The following WWTR1 variants were observed in gnomAD, a reference collection of about 807,000 sequenced individuals.
WWTR1 encodes WW domain containing transcription regulator 1.
Under a neutral mutation model 40.1 loss-of-function variants are expected in WWTR1, and 13 were observed. The observed-to-expected ratio is 0.32, with a 90% CI of 0.21 to 0.52. The LOEUF (loss-of-function observed/expected upper bound fraction) is 0.52, where lower values mean the gene tolerates loss of function less well. Among genes scored for constraint, WWTR1 ranks in the 20% least tolerant of loss-of-function variants. The probability of loss-of-function intolerance (pLI) is 0.97; values close to 1 mark genes in which losing one functional copy is unlikely to be tolerated. For synonymous variants in WWTR1, 230 were observed against 210.1 expected (o/e 1.09, Z -0.82); for missense variants, 436 against 523.1 (o/e 0.83, Z 1.63).
At chr3:149,723,806 G>C (rs989705467) in intron 4 of WWTR1, among the ~76,000 whole-genome samples, 1 of 152,206 alleles carries the variant, frequency 6.6e-6, no homozygotes, top group African/African-American at 2.4e-5. Flanking sequence ...AAAACCTGCT[G>C]CTTCTTTGCA....
intron 4 of WWTR1, chr3:149,541,173 C>T (rs533186192): frequency 1.4e-5 from 5 of 345,258 alleles, no homozygotes; most frequent in African/African-American, 7.8e-5. Flanking sequence ...TAAACTGAAG[C>T]TTTTCTCCCC....
At chr3:149,602,482 G>A (rs1739286952) in intron 2 of WWTR1, among the ~76,000 whole-genome samples, 1 of 152,088 alleles carries the variant, frequency 6.6e-6, no homozygotes, top group Non-Finnish European at 1.5e-5. Context: ...TAAATACTTG[G>A]GGACATTCCG....
At chr3:149,714,942 G>A (rs765964189) in intron 5 of WWTR1, among the ~76,000 whole-genome samples, 2 of 152,124 alleles carry the variant, frequency 1.3e-5, no homozygotes, top group African/African-American at 4.8e-5. Context: ...CTGCAGAGAG[G>A]AGCCGAGGAG....
intron 6 of WWTR1, among the ~76,000 whole-genome samples, chr3:149,522,521 T>A (rs1037178446): frequency 5.9e-5 from 9 of 152,266 alleles, no homozygotes; most frequent in African/African-American, 2.2e-4. Flanking sequence ...AAAAATAACG[T>A]TAAACGAAAA....
chr3:149,615,640 C>T (rs1170889636), intron 2 of WWTR1, among the ~76,000 whole-genome samples: 2 of 152,326 alleles, frequency 1.3e-5, no homozygotes, highest in African/African-American at 2.4e-5. Context: ...CTACTTACTA[C>T]GTGCCCAGCA....
intron 2 of WWTR1, among the ~76,000 whole-genome samples, chr3:149,642,417 A>T (rs1052913186): frequency 1.1e-4 from 16 of 148,280 alleles, no homozygotes; most frequent in South Asian, 4.2e-4. Flanking sequence ...AAACTCTGTC[A>T]CACACACACA....
chr3:149,552,896 G>T (rs1007557793), intron 3 of WWTR1, among the ~76,000 whole-genome samples: 1 of 152,150 alleles, frequency 6.6e-6, no homozygotes, highest in Non-Finnish European at 1.5e-5. Flanking sequence ...CAGCACCTTT[G>T]ACTGTCTTCT....
rs1214221941 is a variant in WWTR1, at chr3:149,522,530, A to G, written c.1019-1541T>C. On this transcript the variant is annotated intron_variant, in intron 6 of 6. Transcript: ENST00000360632. ...ATATTGAAAAATAACGTTAAACGAA[A>G]AAACAAAATCCAAAATAACTTTCTT... Among the ~76,000 whole-genome samples, 5 of 152,328 alleles carry G rather than the reference A, an allele frequency of 3.3e-5. No homozygotes were observed. In the East Asian group the frequency reaches 9.6e-4, roughly 29 times the overall value.
chr3:149,715,939 A>C (rs1211178503), intron 5 of WWTR1, among the ~76,000 whole-genome samples: 2 of 152,196 alleles, frequency 1.3e-5, no homozygotes. Flanking sequence ...GGGGTTAACT[A>C]GGGAGCCTCA....
chr3:149,657,130 G>T lies in WWTR1; in HGVS notation c.177C>A (p.Gly59=), dbSNP rs372183551. 29 of 1,593,832 alleles carry T rather than the reference G, an allele frequency of 1.8e-5. No individual in the cohort carries two copies. In the African/African-American group the frequency reaches 3.3e-4, roughly 18 times the overall value. The change falls in exon 2 of 7, where the codon GGC becomes GGA. Residue 59 remains glycine (G), a synonymous_variant. Coordinates refer to ENST00000360632, the MANE Select transcript of WWTR1 (RefSeq NM_015472.6). The stretch of plus-strand genomic sequence containing the variant: ...CGGTGCTGGACTGGCGCGAGTGCGA[G>T]CCCGAATCAGGCTCCTTAAAGAAAG... The part of the protein sequence containing the change: ...PESFFKEPDS[G]SHSRQSSTDS...
intron 3 of WWTR1, among the ~76,000 whole-genome samples, chr3:149,545,259 T>G (rs1027062109): frequency 1.3e-5 from 2 of 151,948 alleles, no homozygotes; most frequent in Non-Finnish European, 2.9e-5. Flanking sequence ...TAAGACAAAA[T>G]CCAGACATCC....
intron 3 of WWTR1, among the ~76,000 whole-genome samples, chr3:149,572,056 C>A (rs549412632): frequency 2.8e-4 from 43 of 152,174 alleles, no homozygotes; most frequent in Non-Finnish European, 5.0e-4. Context: ...GCCATATTAT[C>A]CCACGGCAGG....
intron 1 of WWTR1, among the ~76,000 whole-genome samples, chr3:149,683,107 T>A (rs1275632616): frequency 6.6e-6 from 1 of 152,122 alleles, no homozygotes; most frequent in Admixed American, 6.6e-5. Flanking sequence ...CTGCAAAGAG[T>A]GCGACTGCCA....
chr3:149,607,508 G>T (rs1453921008), intron 2 of WWTR1, among the ~76,000 whole-genome samples: 3 of 152,064 alleles, frequency 2.0e-5, no homozygotes, highest in Non-Finnish European at 4.4e-5. Context: ...TAGAGACAGG[G>T]TTTCACCATG....
chr3:149,532,056 G>T (rs1042878963), intron 4 of WWTR1, among the ~76,000 whole-genome samples: 6 of 152,222 alleles, frequency 3.9e-5, no homozygotes, highest in Non-Finnish European at 8.8e-5. Flanking sequence ...GGAGCTAGAT[G>T]CTTGAATTGG....
At chr3:149,557,202 T>C (rs1736871081) in intron 3 of WWTR1, among the ~76,000 whole-genome samples, 1 of 150,786 alleles carries the variant, frequency 6.6e-6, no homozygotes, top group Non-Finnish European at 1.5e-5. Flanking sequence ...TCCCAAGTAG[T>C]TGAGATTACA....
intron 4 of WWTR1, among the ~76,000 whole-genome samples, chr3:149,717,790 T>A (rs559907387): frequency 1.3e-5 from 2 of 152,246 alleles, no homozygotes; most frequent in South Asian, 4.1e-4. Flanking sequence ...ATTCATACAT[T>A]TGGAAGGTCT....
At chr3:149,610,518 G>A (rs911697266) in intron 2 of WWTR1, among the ~76,000 whole-genome samples, 1 of 152,170 alleles carries the variant, frequency 6.6e-6, no homozygotes, top group Non-Finnish European at 1.5e-5. Flanking sequence ...AGTTCAACAC[G>A]GGTAAACAGT....
At chr3:149,716,832 G>A (rs1165569085) in intron 5 of WWTR1, among the ~76,000 whole-genome samples, 1 of 152,070 alleles carries the variant, frequency 6.6e-6, no homozygotes, top group African/African-American at 2.4e-5. Flanking sequence ...TATAAGGACA[G>A]ATCTACAGAG....
Sources: allele counts gnomAD v4.1 joint callset (sites outside exome capture counted in the v4.1 genomes callset), GRCh38; gene constraint gnomAD v4.1.1; transcripts MANE v1.5; gene names NCBI Gene and HGNC (gene_info 2026-07-23, HGNC 2026-07-21).